Variants in SUMF1 observed in about 807,000 individuals in gnomAD.
SUMF1 encodes formylglycine-generating enzyme.
SUMF1 carries 48 observed loss-of-function variants against 47.6 expected under a neutral mutation model. That is an observed-to-expected ratio of 1.01 (90% confidence interval 0.80 to 1.28). The LOEUF is 1.28. Ranked by LOEUF, SUMF1 falls within the 50% of genes most tolerant of loss-of-function variation. SUMF1 has a pLI of 0.00. For missense variants in SUMF1, 571 were observed against 485.4 expected (o/e 1.18, Z -1.66); for synonymous variants, 230 against 192.1 (o/e 1.20, Z -1.63).
intron 8 of SUMF1, among the ~76,000 whole-genome samples, chr3:4,151,053 TA>T (rs1444581528): frequency 6.6e-6 from 1 of 151,390 alleles, no homozygotes; most frequent in African/African-American, 2.5e-5. Context: ...AACAGAGGAT[TA>T]ACGTCTGGTG....
intron 3 of SUMF1, 79 bp downstream of exon 3, chr3:4,449,187 C>G: frequency 6.9e-7 from 1 of 1,457,286 alleles, no homozygotes; most frequent in Non-Finnish European, 9.6e-7. Flanking sequence ...GAAGGTGACA[C>G]ATGTGGTTTG....
chr3:4,255,173 A>G (rs1279201368), intron 8 of SUMF1, among the ~76,000 whole-genome samples: 2 of 144,650 alleles, frequency 1.4e-5, no homozygotes, highest in African/African-American at 5.1e-5. Flanking sequence ...CCAAATTGTA[A>G]AGACCATCGA....
At chr3:4,201,190 G>A (rs1121825) in intron 8 of SUMF1, among the ~76,000 whole-genome samples, 50,482 of 151,582 alleles carry the variant, frequency 0.33, 9,056 homozygotes, top group Non-Finnish European at 0.42. Context: ...ACAAACTGCT[G>A]TCTATAGTCA....
intron 8 of SUMF1, among the ~76,000 whole-genome samples, chr3:4,231,309 T>A (rs1299540296): frequency 1.3e-5 from 2 of 152,098 alleles, no homozygotes; most frequent in African/African-American, 4.8e-5. Context: ...TGAAATGAGA[T>A]CATTGTACAT....
intron 8 of SUMF1, chr3:4,303,654 G>A: frequency 2.8e-6 from 4 of 1,439,834 alleles, no homozygotes; most frequent in South Asian, 1.4e-5. Context: ...ACCCGTTGGT[G>A]CGCGGGAATA....
At chr3:4,422,293 G>T (rs1298793725) in intron 3 of SUMF1, among the ~76,000 whole-genome samples, 1 of 152,046 alleles carries the variant, frequency 6.6e-6, no homozygotes, top group South Asian at 2.1e-4. Context: ...TGTGTTTCAG[G>T]AGGATCCTCA....
chr3:4,380,934 T>C (rs1360340781), intron 7 of SUMF1, among the ~76,000 whole-genome samples: 1 of 152,128 alleles, frequency 6.6e-6, no homozygotes, highest in African/African-American at 2.4e-5. Flanking sequence ...TTGAATCCAC[T>C]GGAGATGCCA....
chr3:4,333,064 G>A (rs899437859), intron 8 of SUMF1, among the ~76,000 whole-genome samples: 2 of 152,138 alleles, frequency 1.3e-5, no homozygotes, highest in Non-Finnish European at 2.9e-5. Flanking sequence ...CCTGCTGAGA[G>A]CCACCTCCAA....
rs1448209136 is a variant in SUMF1, at chr3:4,250,443, C to T, written c.1014+125887G>A. Reference sequence around the variant, plus strand: ...AAAGTGCAAGGTGAAGAAGCAAGAGCGGATGGAGAAGCTGCAGCAAGCTAT... The same window carrying T: ...AAAGTGCAAGGTGAAGAAGCAAGAGTGGATGGAGAAGCTGCAGCAAGCTAT... On this transcript the variant is annotated intron_variant and NMD_transcript_variant, in intron 8 of 12. Coordinates refer to the SUMF1 transcript ENST00000448413. Among the ~76,000 whole-genome samples the T allele has an allele frequency of 3.9e-5, 6 of 151,966 alleles. No homozygotes were observed. The East Asian group carries it at 5.8e-4, about 15-fold the overall frequency.
chr3:4,199,938 T>C (rs1209604880), intron 8 of SUMF1, among the ~76,000 whole-genome samples: 2 of 152,128 alleles, frequency 1.3e-5, no homozygotes, highest in Non-Finnish European at 2.9e-5. Context: ...GTTTTTTCAT[T>C]TTCTTAATGT....
chr3:4,422,615 C>A (rs1412506719), intron 3 of SUMF1, among the ~76,000 whole-genome samples: 3 of 151,852 alleles, frequency 2.0e-5, no homozygotes, highest in Non-Finnish European at 4.4e-5. Flanking sequence ...GAGTTTGTGG[C>A]TTTTGGCAAA....
intron 8 of SUMF1, among the ~76,000 whole-genome samples, chr3:4,176,832 G>C (rs1017872136): frequency 7.9e-5 from 12 of 152,056 alleles, no homozygotes; most frequent in African/African-American, 2.9e-4. Context: ...CAAAATGAAG[G>C]GATAGAGGAA....
intron 8 of SUMF1, among the ~76,000 whole-genome samples, chr3:4,258,967 C>G (rs1272031887): frequency 6.7e-6 from 1 of 148,650 alleles, no homozygotes; most frequent in African/African-American, 2.5e-5. Flanking sequence ...TTTGTAGGGA[C>G]ATGGATGAAA....
rs74572717 is a variant in SUMF1 at position 4,338,285 on chromosome 3, GA to G, written c.1014+38044del. Among the ~76,000 whole-genome samples the G allele has an allele frequency of 5.0e-3, 648 of 130,612 alleles. 3 individuals are homozygous for G. The highest frequency in any genetic ancestry group is 0.015 in the African/African-American group (516 of 35,374). The allele number at this position is 130,612 out of a possible 152,430, so 85.7% of individuals were successfully genotyped here. On this transcript the variant is annotated intron_variant and NMD_transcript_variant, in intron 8 of 12. Coordinates refer to the SUMF1 transcript ENST00000448413. ...TGAGACCCTGTCTCTTTATTAAAAA[GA>G]AAAAAAAAAAAGATACTTTAAAGTA...
chr3:4,360,486 T>C (rs1699724900), downstream of SUMF1, among the ~76,000 whole-genome samples: 1 of 152,056 alleles, frequency 6.6e-6, no homozygotes, highest in Non-Finnish European at 1.5e-5. Context: ...TCACCACTCC[T>C]GGCTAAATTT....
At chr3:4,046,641 C>T (rs1262691109) in intron 9 of SUMF1, among the ~76,000 whole-genome samples, 1 of 152,194 alleles carries the variant, frequency 6.6e-6, no homozygotes, top group Non-Finnish European at 1.5e-5. Context: ...CCTGCAAAAT[C>T]TCGCTCCAAA....
At chr3:4,461,340 T>C (rs1032007664) in intron 1 of SUMF1, among the ~76,000 whole-genome samples, 1 of 152,078 alleles carries the variant, frequency 6.6e-6, no homozygotes, top group Admixed American at 6.6e-5. Flanking sequence ...TACAAAGAAG[T>C]AGAAAAATTG....
At chr3:4,381,502 C>G (rs1326401492) in intron 7 of SUMF1, among the ~76,000 whole-genome samples, 3 of 152,144 alleles carry the variant, frequency 2.0e-5, no homozygotes, top group Non-Finnish European at 4.4e-5. Context: ...AAAATTAAAA[C>G]AAATAATAAA....
Position 4,100,011 on chromosome 3 carries a change from T to C in SUMF1, c.1015-31266A>G, listed in dbSNP as rs562741498. 1.5e-4 allele frequency among the ~76,000 whole-genome samples: 23 copies of C among 151,684 alleles called. 1 individual carries two copies. In the South Asian group the frequency reaches 4.8e-3, roughly 32 times the overall value. On this transcript the variant is annotated intron_variant and NMD_transcript_variant, in intron 8 of 12. Coordinates refer to the SUMF1 transcript ENST00000448413. ...TGGATTGGAAGAATTCAATCTAATTTAATTTAATAATACCAATTCAATTCA... is the reference window on the plus strand; with the variant it reads ...TGGATTGGAAGAATTCAATCTAATTCAATTTAATAATACCAATTCAATTCA...
Sources: gnomAD v4.1 joint callset for allele counts (sites outside exome capture counted in the v4.1 genomes callset) on GRCh38, gnomAD v4.1.1 for gene constraint, MANE v1.5 for transcripts, NCBI Gene and HGNC (gene_info 2026-07-23, HGNC 2026-07-21) for gene names.